The following GTF2E1 variants were observed in gnomAD, a reference collection of about 807,000 sequenced individuals.
GTF2E1 encodes the protein general transcription factor IIE subunit 1.
GTF2E1 carries 14 observed loss-of-function variants against 34.9 expected under a neutral mutation model. The ratio of observed to expected loss-of-function variants is 0.40; its 90% CI spans 0.27 to 0.63. The LOEUF (loss-of-function observed/expected upper bound fraction) is 0.63. Ranked by LOEUF, GTF2E1 falls within the 20% of genes least tolerant of loss-of-function variation. The pLI, the probability that GTF2E1 is intolerant of heterozygous loss-of-function variation, is 0.39. For synonymous variants in GTF2E1, 188 were observed against 192.9 expected (o/e 0.97, Z 0.21); for missense variants, 469 against 557.7 (o/e 0.84, Z 1.60).
chr3:120,751,749 C>T (rs1709166345), intron 2 of GTF2E1, among the ~76,000 whole-genome samples: 1 of 152,054 alleles, frequency 6.6e-6, no homozygotes, highest in South Asian at 2.1e-4. Flanking sequence ...ACTAGTTTTG[C>T]TAAATACTCG....
chr3:120,760,635 G>A (rs1486025249), intron 2 of GTF2E1, among the ~76,000 whole-genome samples: 1 of 152,170 alleles, frequency 6.6e-6, no homozygotes, highest in African/African-American at 2.4e-5. Flanking sequence ...TTAGCATGAA[G>A]GGCTGTTGAA....
chr3:120,760,312 G>T (rs1709249020), intron 2 of GTF2E1, among the ~76,000 whole-genome samples: 1 of 152,140 alleles, frequency 6.6e-6, no homozygotes, highest in Admixed American at 6.5e-5. Flanking sequence ...TGCTTATCAG[G>T]TGAAGGAGAT....
intron 2 of GTF2E1, among the ~76,000 whole-genome samples, chr3:120,757,061 A>C (rs1395592768): frequency 2.6e-5 from 4 of 152,164 alleles, no homozygotes; most frequent in Non-Finnish European, 5.9e-5. Flanking sequence ...TTTTGATACA[A>C]TATTCTATTC....
intron 1 of GTF2E1, among the ~76,000 whole-genome samples, chr3:120,749,402 G>A (rs1709142383): frequency 6.6e-6 from 1 of 152,122 alleles, no homozygotes; most frequent in Non-Finnish European, 1.5e-5. Context: ...GTCATAGATA[G>A]CTCTTATTAT....
At chr3:120,773,019 C>G (rs1709365796) in intron 3 of GTF2E1, among the ~76,000 whole-genome samples, 1 of 151,736 alleles carries the variant, frequency 6.6e-6, no homozygotes, top group Non-Finnish European at 1.5e-5. Flanking sequence ...ATAAACTGAT[C>G]AGGAAAAAAG....
intron 2 of GTF2E1, among the ~76,000 whole-genome samples, chr3:120,767,053 T>A (rs1241936088): frequency 1.3e-5 from 2 of 152,238 alleles, no homozygotes; most frequent in African/African-American, 4.8e-5. Flanking sequence ...TAAGAAATTC[T>A]ACATTTGGCT....
At chr3:120,771,002 A>G in intron 3 of GTF2E1, 73 bp downstream of exon 3, 2 of 1,213,978 alleles carry the variant, frequency 1.6e-6, no homozygotes, top group South Asian at 1.2e-5. Context: ...TGTACCTTGG[A>G]GAACAAGAGT....
intron 1 of GTF2E1, among the ~76,000 whole-genome samples, chr3:120,747,720 G>A (rs1401374925): frequency 2.0e-5 from 3 of 152,198 alleles, no homozygotes; most frequent in Admixed American, 1.3e-4. Context: ...GTGTGCATGT[G>A]TCTCTATAAC....
intron 2 of GTF2E1, 48 bp from the exon 3 acceptor site, chr3:120,770,680 A>C (rs138852152): frequency 2.1e-5 from 28 of 1,348,826 alleles, no homozygotes; most frequent in African/African-American, 2.9e-5. Context: ...GGTATAAACT[A>C]TCTGCTAAAG....
rs1709448317 is a variant in GTF2E1 at position 120,781,562 on chromosome 3, CT to C, written c.*93del. The C allele has an allele frequency of 1.1e-6, 1 of 942,512 alleles. No individual in the cohort carries two copies. The highest frequency in any genetic ancestry group is 2.4e-5 in the Admixed American group (1 of 41,426). 58.4% of individuals were successfully genotyped at this position (942,512 alleles called of 1,614,324 possible). A position where few individuals can be genotyped will look rare whatever the true frequency, so the allele number is the denominator to read the frequency against. On this transcript the variant is annotated 3_prime_UTR_variant, in exon 5 of 5. Coordinates refer to ENST00000283875, the MANE Select transcript of GTF2E1 (RefSeq NM_005513.3). ...AAAGTATTTAAGTGGCTTTCTGCCC[CT>C]CTTGATGTAAGCAACTGTCCATCCT...
Position 120,770,851 on chromosome 3 carries a change from T to G in GTF2E1, c.572T>G (p.Leu191Arg). 6.2e-7 allele frequency: 1 copy of G among 1,613,704 alleles called. No homozygotes were observed. The highest frequency in any genetic ancestry group is 2.2e-5 in the East Asian group (1 of 44,874). Reference sequence around the variant, plus strand: ...CAAATTGAGCCCATTTATGCATTGCTTCGGGAGACAGAGGATGTGAACTTG... The same window carrying G: ...CAAATTGAGCCCATTTATGCATTGCGTCGGGAGACAGAGGATGTGAACTTG... ...NEQIEPIYAL[L>R]RETEDVNLAY... Residue 191 changes from leucine (L) to arginine (R), a missense_variant, in exon 3 of 5, where the codon CTT becomes CGT. Transcript: ENST00000283875.
At chr3:120,758,190 T>G (rs976738568) in intron 2 of GTF2E1, among the ~76,000 whole-genome samples, 6 of 152,026 alleles carry the variant, frequency 3.9e-5, no homozygotes, top group Admixed American at 2.0e-4. Flanking sequence ...GAATGAAAAC[T>G]TGGTAAAGAC....
intron 2 of GTF2E1, among the ~76,000 whole-genome samples, chr3:120,759,978 A>G (rs1466024726): frequency 6.6e-6 from 1 of 152,204 alleles, no homozygotes; most frequent in Non-Finnish European, 1.5e-5. Flanking sequence ...CTGTGAAGAA[A>G]GTCAGTGGTA....
At chr3:120,759,715 T>G (rs1295872223) in intron 2 of GTF2E1, among the ~76,000 whole-genome samples, 1 of 152,246 alleles carries the variant, frequency 6.6e-6, no homozygotes, top group Non-Finnish European at 1.5e-5. Context: ...TCATTTCTTG[T>G]TTTTGTCAGG....
chr3:120,769,530 A>G (rs983120138), intron 2 of GTF2E1, among the ~76,000 whole-genome samples: 1 of 152,120 alleles, frequency 6.6e-6, no homozygotes, highest in Non-Finnish European at 1.5e-5. Flanking sequence ...ATGATTGGGT[A>G]TCTTCATAAA....
At chr3:120,765,298 AT>A (rs75722569) in intron 2 of GTF2E1, among the ~76,000 whole-genome samples, 11,002 of 151,944 alleles carry the variant, frequency 0.072, 1,322 homozygotes, top group East Asian at 0.47. Context: ...TATAAAAGAT[AT>A]TTTTTTCTTC....
chr3:120,758,167 A>T (rs551240262), intron 2 of GTF2E1, among the ~76,000 whole-genome samples: 1 of 152,306 alleles, frequency 6.6e-6, no homozygotes, highest in East Asian at 1.9e-4. Flanking sequence ...AAAAAATAAA[A>T]TAAGTAATAT....
chr3:120,762,327 A>T (rs959218376), intron 2 of GTF2E1, among the ~76,000 whole-genome samples: 1 of 152,028 alleles, frequency 6.6e-6, no homozygotes, highest in African/African-American at 2.4e-5. Context: ...TAAAGTCTCC[A>T]GTTATTATTG....
At chr3:120,777,021 TG>T (rs1709407005) in intron 4 of GTF2E1, among the ~76,000 whole-genome samples, 1 of 152,174 alleles carries the variant, frequency 6.6e-6, no homozygotes. Context: ...TTTTCTGAAT[TG>T]GGAGCCAAAA....
Sources: gnomAD v4.1 joint callset for allele counts (sites outside exome capture counted in the v4.1 genomes callset) on GRCh38, gnomAD v4.1.1 for gene constraint, MANE v1.5 for transcripts, NCBI Gene and HGNC (gene_info 2026-07-23, HGNC 2026-07-21) for gene names.